The following NEBL variants were observed in gnomAD, a reference collection of about 807,000 sequenced individuals.
NEBL encodes the protein nebulette.
Under a neutral mutation model 140.2 loss-of-function variants are expected in NEBL, and 122 were observed. That is an observed-to-expected ratio of 0.87 (90% CI 0.75 to 1.01). The LOEUF (loss-of-function observed/expected upper bound fraction) is 1.01. Among genes scored for constraint, NEBL ranks in the 50% least tolerant of loss-of-function variants. The pLI, the probability that NEBL is intolerant of heterozygous loss-of-function variation, is 0.00. For missense variants in NEBL, 1,365 were observed against 1,231.3 expected, an observed-to-expected ratio of 1.11 and a Z score of -1.62; for synonymous variants, 436 against 398.9, an observed-to-expected ratio of 1.09 and a Z score of -1.11.
chr10:20,892,845 G>A (rs187596719), intron 2 of NEBL, among the ~76,000 whole-genome samples: 2 of 152,286 alleles, frequency 1.3e-5, no homozygotes, highest in Admixed American at 1.3e-4. Context: ...ATCTGGAAAG[G>A]CTCTTCACAA....
intron 2 of NEBL, among the ~76,000 whole-genome samples, chr10:21,025,796 G>A (rs1165918198): frequency 6.6e-6 from 1 of 152,092 alleles, no homozygotes; most frequent in African/African-American, 2.4e-5. Context: ...TCATCTATAA[G>A]AAAAACATAA....
intron 2 of NEBL, among the ~76,000 whole-genome samples, chr10:21,073,848 G>T (rs1835935505): frequency 6.6e-6 from 1 of 152,096 alleles, no homozygotes; most frequent in South Asian, 2.1e-4. Context: ...GCCAAGATGG[G>T]CAGATCACGA....
At chr10:20,787,559 T>C (rs555731636) in intron 26 of NEBL, among the ~76,000 whole-genome samples, 2 of 152,202 alleles carry the variant, frequency 1.3e-5, no homozygotes, top group African/African-American at 2.4e-5. Context: ...TGTGGCTCTA[T>C]TGCAGATGCT....
At chr10:20,795,299 A>T (rs1181061238) in intron 26 of NEBL, among the ~76,000 whole-genome samples, 2 of 152,164 alleles carry the variant, frequency 1.3e-5, no homozygotes, top group Non-Finnish European at 2.9e-5. Context: ...CAGGCTTGTT[A>T]GGCTCATAGA....
chr10:20,894,118 G>T (rs1205515553), intron 2 of NEBL, among the ~76,000 whole-genome samples: 1 of 152,144 alleles, frequency 6.6e-6, no homozygotes, highest in Non-Finnish European at 1.5e-5. Context: ...GAAGTCCAAA[G>T]AGTAACAATT....
chr10:20,961,700 A>C (rs762828574), exon 4 of NEBL: 2 of 1,613,740 alleles, frequency 1.2e-6, no homozygotes, highest in African/African-American at 2.7e-5. Context: ...AGTCCTCTTC[A>C]GTCTCTGTAG....
intron 4 of NEBL, among the ~76,000 whole-genome samples, chr10:20,956,413 C>G (rs1438016215): frequency 6.6e-6 from 1 of 151,896 alleles, no homozygotes; most frequent in African/African-American, 2.4e-5. Flanking sequence ...TGCTACTGAC[C>G]CCACTATTTA....
At chr10:21,128,689 A>G (rs1838955719) in intron 2 of NEBL, among the ~76,000 whole-genome samples, 1 of 152,216 alleles carries the variant, frequency 6.6e-6, no homozygotes, top group Non-Finnish European at 1.5e-5. Flanking sequence ...ACAAGAGAAC[A>G]TCATCAACAC....
intron 2 of NEBL, among the ~76,000 whole-genome samples, chr10:21,098,112 G>A (rs1837283341): frequency 6.6e-6 from 1 of 152,146 alleles, no homozygotes; most frequent in Non-Finnish European, 1.5e-5. Flanking sequence ...GCAAAAATGT[G>A]AGTGGATATG....
At chr10:21,050,337 C>A (rs887841195) in intron 2 of NEBL, among the ~76,000 whole-genome samples, 1 of 152,188 alleles carries the variant, frequency 6.6e-6, no homozygotes, top group African/African-American at 2.4e-5. Context: ...ATCACAACTA[C>A]ATTTTAAACA....
upstream of NEBL, among the ~76,000 whole-genome samples, chr10:21,179,060 C>A (rs768325989): frequency 6.6e-6 from 1 of 152,186 alleles, no homozygotes; most frequent in Non-Finnish European, 1.5e-5. Context: ...CCCAGATTAT[C>A]CAGGAGGATC....
intron 2 of NEBL, among the ~76,000 whole-genome samples, chr10:21,116,140 T>C (rs1838275970): frequency 1.3e-5 from 2 of 152,064 alleles, no homozygotes; most frequent in Admixed American, 1.3e-4. Context: ...ACATATGCAG[T>C]ATATTTACAA....
At chr10:20,920,152 T>G (rs1833511925) in intron 4 of NEBL, among the ~76,000 whole-genome samples, 1 of 152,224 alleles carries the variant, frequency 6.6e-6, no homozygotes, top group Admixed American at 6.5e-5. Context: ...TAACAACGTA[T>G]TCTGTTGGAC....
intron 2 of NEBL, chr10:21,030,703 C>T (rs952407120): frequency 4.2e-5 from 20 of 473,198 alleles, no homozygotes; most frequent in Admixed American, 1.9e-4. Context: ...TAGCCATGGT[C>T]CAGGAGACAG....
chr10:20,931,453 G>C (rs993054513), intron 4 of NEBL, among the ~76,000 whole-genome samples: 1 of 152,144 alleles, frequency 6.6e-6, no homozygotes, highest in Admixed American at 6.5e-5. Context: ...AATCAGAATT[G>C]AAAACATAAG....
At chr10:20,913,928 T>C (rs937618492) in intron 4 of NEBL, among the ~76,000 whole-genome samples, 2 of 152,186 alleles carry the variant, frequency 1.3e-5, no homozygotes, top group Admixed American at 1.3e-4. Flanking sequence ...AATACCAATA[T>C]ACATATTTTG....
chr10:20,873,785 A>T (rs1215495374), intron 5 of NEBL, among the ~76,000 whole-genome samples: 2 of 152,160 alleles, frequency 1.3e-5, no homozygotes, highest in African/African-American at 4.8e-5. Context: ...AATAACTGTA[A>T]TTTTAATGAG....
chr10:20,835,915 G>C (rs1282698185), intron 13 of NEBL, among the ~76,000 whole-genome samples: 1 of 152,188 alleles, frequency 6.6e-6, no homozygotes, highest in South Asian at 2.1e-4. Context: ...AGGGAGGTGG[G>C]TGTAAATGAG....
intron 2 of NEBL, among the ~76,000 whole-genome samples, chr10:21,140,996 T>C (rs756032541): frequency 7.8e-5 from 11 of 140,656 alleles, no homozygotes; most frequent in Non-Finnish European, 1.5e-4. Context: ...GTCCCATCAA[T>C]AACGGAAACC....
Sources: gnomAD v4.1 joint callset for allele counts (sites outside exome capture counted in the v4.1 genomes callset) on GRCh38, gnomAD v4.1.1 for gene constraint, MANE v1.5 for transcripts, NCBI Gene and HGNC (gene_info 2026-07-23, HGNC 2026-07-21) for gene names.